Variants in C8orf34 observed in about 807,000 individuals in gnomAD.
The protein encoded by C8orf34 is chromosome 8 open reading frame 34.
C8orf34 carries 65 observed loss-of-function variants against 68.3 expected under a neutral mutation model. The ratio of observed to expected loss-of-function variants is 0.95; its 90% CI spans 0.78 to 1.17. C8orf34 has a LOEUF of 1.17. Among genes scored for constraint, C8orf34 ranks in the 50% most tolerant of loss-of-function variants. C8orf34 has a pLI of 0.00. For synonymous variants in C8orf34, 244 were observed against 241.2 expected (o/e 1.01, Z -0.11); for missense variants, 664 against 655.4 (o/e 1.01, Z -0.14).
intron 7 of C8orf34, among the ~76,000 whole-genome samples, chr8:68,627,418 A>T (rs1331857416): frequency 1.3e-5 from 2 of 152,176 alleles, no homozygotes; most frequent in Non-Finnish European, 2.9e-5. Context: ...CAGTTACACC[A>T]GGCAAGGCAT....
chr8:68,567,558 C>T (rs1816627503), intron 7 of C8orf34, among the ~76,000 whole-genome samples: 2 of 97,604 alleles, frequency 2.0e-5, no homozygotes, highest in Non-Finnish European at 2.2e-5. Flanking sequence ...TTTATCTTTT[C>T]AAATTTTGTT....
At chr8:68,650,244 C>T (rs946011451) in intron 8 of C8orf34, among the ~76,000 whole-genome samples, 8 of 151,952 alleles carry the variant, frequency 5.3e-5, no homozygotes, top group African/African-American at 1.9e-4. Flanking sequence ...AGGATGCCGA[C>T]ACACCAGAGT....
chr8:68,378,190 T>C (rs1473144960), intron 1 of C8orf34, among the ~76,000 whole-genome samples: 2 of 152,364 alleles, frequency 1.3e-5, no homozygotes, highest in African/African-American at 4.8e-5. Context: ...GAAATGTATA[T>C]TGAAAACCCC....
chr8:68,472,428 A>G (rs555947904), intron 4 of C8orf34, among the ~76,000 whole-genome samples: 48 of 152,240 alleles, frequency 3.2e-4, no homozygotes, highest in African/African-American at 1.2e-3. Flanking sequence ...TCAGAGCCAT[A>G]TAGAGTAATC....
intron 1 of C8orf34, chr8:68,331,605 G>C (rs541459681): frequency 2.2e-5 from 11 of 503,478 alleles, no homozygotes; most frequent in African/African-American, 1.9e-4. Context: ...GGAAGTTTTG[G>C]CCCTCTGACT....
chr8:68,768,166 G>A (rs1823234514), intron 10 of C8orf34, among the ~76,000 whole-genome samples: 1 of 152,078 alleles, frequency 6.6e-6, no homozygotes, highest in African/African-American at 2.4e-5. Context: ...CCCATCTTTG[G>A]CTCATGAGAG....
chr8:68,597,601 T>TGC (rs1491015203), intron 7 of C8orf34, among the ~76,000 whole-genome samples: 2 of 144,314 alleles, frequency 1.4e-5, no homozygotes, highest in Non-Finnish European at 3.1e-5. Flanking sequence ...TGTGTGTGTG[T>TGC]GCACGGACGA....
intron 7 of C8orf34, among the ~76,000 whole-genome samples, chr8:68,557,352 T>C (rs1366054017): frequency 6.6e-6 from 1 of 152,218 alleles, no homozygotes; most frequent in African/African-American, 2.4e-5. Context: ...TTTGGAAAAC[T>C]GATCCTAAAC....
At position 68,331,281 on chromosome 8, in the gene C8orf34, A is replaced by T; in HGVS notation, c.269A>T (p.His90Leu). 2 of 1,536,472 alleles carry T rather than the reference A, an allele frequency of 1.3e-6. No individual in the cohort carries two copies. The highest frequency in any genetic ancestry group is 1.7e-6 in the Non-Finnish European group (2 of 1,146,984). The change falls in exon 1 of 14, where the codon CAT becomes CTT. Residue 90 changes from histidine to leucine, a missense_variant. By Grantham distance (99) the His-to-Leu change is moderately conservative (BLOSUM62 -3). Transcript: ENST00000518698. ...TCCCATCTGTTCCCCATGGCGTCTC[A>T]TCCGCAAACCCGGATCCAGGCTTAC... ...SRSHLFPMAS[H>L]PQTRIQAYLE...
At chr8:68,673,037 C>G (rs1178190791) in intron 8 of C8orf34, among the ~76,000 whole-genome samples, 1 of 152,138 alleles carries the variant, frequency 6.6e-6, no homozygotes, top group African/African-American at 2.4e-5. Context: ...AGAGAACTCA[C>G]TGCCTTGAAG....
At chr8:68,441,309 C>T (rs1810900273) in intron 2 of C8orf34, among the ~76,000 whole-genome samples, 1 of 152,232 alleles carries the variant, frequency 6.6e-6, no homozygotes, top group East Asian at 1.9e-4. Context: ...TTTTCTGCAG[C>T]TATATGGCTG....
chr8:68,544,052 AAG>A (rs1318431699), intron 7 of C8orf34, among the ~76,000 whole-genome samples: 1 of 152,174 alleles, frequency 6.6e-6, no homozygotes, highest in African/African-American at 2.4e-5. Context: ...CCTAAGGAGC[AAG>A]AGACTGGCAT....
In C8orf34 at chr8:68,818,474, A is replaced by G. The variant is rs1824885968; in HGVS notation, c.*228A>G. 3.9e-6 allele frequency: 2 copies of G among 507,236 alleles called. No homozygotes were observed. Among genetic ancestry groups the G allele is most frequent in the Non-Finnish European group, 7.1e-6 (2 of 281,336 alleles). 31.4% of individuals were successfully genotyped at this position (507,236 alleles called of 1,614,324 possible). A position where few individuals can be genotyped will look rare whatever the true frequency, so the allele number is the denominator to read the frequency against. ...TGGTCAGGAGGCCGGCTGCCTTTTG[A>G]CATGGTTAGAGTCCTGGGTTTAGAT... On this transcript the variant is annotated 3_prime_UTR_variant, in exon 14 of 14. Transcript: ENST00000518698.
At chr8:68,384,937 C>T (rs1190418470) in intron 1 of C8orf34, among the ~76,000 whole-genome samples, 1 of 152,108 alleles carries the variant, frequency 6.6e-6, no homozygotes. Context: ...AGAGGATTAA[C>T]TTTACACACC....
intron 1 of C8orf34, among the ~76,000 whole-genome samples, chr8:68,422,183 G>C (rs985424838): frequency 6.6e-6 from 1 of 152,160 alleles, no homozygotes; most frequent in Non-Finnish European, 1.5e-5. Context: ...CAACAGTTCT[G>C]TAATGTTTTA....
intron 7 of C8orf34, among the ~76,000 whole-genome samples, chr8:68,619,267 A>T (rs1026824657): frequency 6.6e-6 from 1 of 152,222 alleles, no homozygotes; most frequent in South Asian, 2.1e-4. Context: ...CAGAGGTTTC[A>T]GTGAGCCAAG....
chr8:68,768,749 G>A (rs922849712), intron 10 of C8orf34, among the ~76,000 whole-genome samples: 4 of 152,036 alleles, frequency 2.6e-5, no homozygotes, highest in African/African-American at 7.2e-5. Context: ...AATGTCATAG[G>A]ATATAGCCTC....
rs540489204 is a variant in C8orf34, at chr8:68,465,159, A to T, written c.608-3533A>T. ...GGCAAAGGACATGAACCGACACGTC[A>T]CAAAAGAAGACAATTATGCAGCCAA... On this transcript the variant is annotated intron_variant, in intron 3 of 13. Coordinates refer to ENST00000518698, the MANE Select transcript of C8orf34 (RefSeq NM_052958.4). Among the ~76,000 whole-genome samples, 333 of 151,912 alleles carry T rather than the reference A, an allele frequency of 2.2e-3. 1 individual carries two copies. The highest frequency in any genetic ancestry group is 7.3e-3 in the African/African-American group (302 of 41,194).
intron 1 of C8orf34, among the ~76,000 whole-genome samples, chr8:68,361,437 C>T (rs1426973622): frequency 6.6e-6 from 1 of 152,174 alleles, no homozygotes; most frequent in Non-Finnish European, 1.5e-5. Flanking sequence ...GAGTCTTCAA[C>T]AGCCAATATT....
Sources: gnomAD v4.1 joint callset for allele counts (sites outside exome capture counted in the v4.1 genomes callset) on GRCh38, gnomAD v4.1.1 for gene constraint, MANE v1.5 for transcripts, NCBI Gene and HGNC (gene_info 2026-07-23, HGNC 2026-07-21) for gene names.